Variants in G3BP1 observed in about 807,000 individuals in gnomAD.
G3BP1 encodes the protein G3BP stress granule assembly factor 1, also known as ras GTPase-activating protein-binding protein 1.
G3BP1 carries 35 observed loss-of-function variants against 58.6 expected under a neutral mutation model. That is an observed-to-expected ratio of 0.60 (90% CI 0.46 to 0.79). The LOEUF (loss-of-function observed/expected upper bound fraction) is 0.79. G3BP1 is among the 30% of genes least tolerant of loss of function. The pLI is 0.00. For synonymous variants in G3BP1, 191 were observed against 195.4 expected, an observed-to-expected ratio of 0.98 and a Z score of 0.19; for missense variants, 523 against 580.8, an observed-to-expected ratio of 0.90 and a Z score of 1.02.
intron 2 of G3BP1, chr5:151,787,747 C>G (rs960857580): frequency 6.6e-5 from 19 of 286,010 alleles, no homozygotes; most frequent in South Asian, 3.0e-4. Context: ...ACTATTTTTT[C>G]CCTTACACCT....
At chr5:151,776,977 C>A (rs1489323766) in intron 1 of G3BP1, among the ~76,000 whole-genome samples, 1 of 139,142 alleles carries the variant, frequency 7.2e-6, no homozygotes, top group Non-Finnish European at 1.6e-5. Flanking sequence ...TTTTTTCTTT[C>A]ATTAATTACC....
At chr5:151,778,573 C>G (rs1422324452) in intron 1 of G3BP1, among the ~76,000 whole-genome samples, 2 of 152,128 alleles carry the variant, frequency 1.3e-5, no homozygotes, top group East Asian at 3.9e-4. Context: ...TCCTGAGTAG[C>G]TGGGATTACA....
At chr5:151,788,572 A>ATATGTGTG (rs1554080356) in intron 2 of G3BP1, among the ~76,000 whole-genome samples, 2 of 133,238 alleles carry the variant, frequency 1.5e-5, no homozygotes, top group Admixed American at 7.6e-5. Context: ...CTAAGTTTAT[A>ATATGTGTG]TGTGTGTGTG....
At position 151,807,467 on chromosome 5, in the gene G3BP1, C is replaced by T. The variant is rs1365005843; in HGVS notation, c.*3376C>T. ...AGGTTAACATTACAGTTCTTAATTT[C>T]CTTTAGGGCAAACAAGATAATTAAA... On this transcript the variant is annotated 3_prime_UTR_variant, in exon 12 of 12. Coordinates refer to ENST00000356245, the MANE Select transcript of G3BP1 (RefSeq NM_005754.3). 1 of 152,138 alleles carries T rather than the reference C, an allele frequency of 6.6e-6. No homozygotes were observed. Among genetic ancestry groups the T allele is most frequent in the Non-Finnish European group, 1.5e-5 (1 of 68,014 alleles). 9.4% of individuals were successfully genotyped at this position (152,138 alleles called of 1,614,324 possible). A position where few individuals can be genotyped will look rare whatever the true frequency, so the allele number is the denominator to read the frequency against.
intron 11 of G3BP1, among the ~76,000 whole-genome samples, chr5:151,801,950 G>A (rs1441322542): frequency 1.3e-5 from 2 of 152,066 alleles, no homozygotes; most frequent in Admixed American, 1.3e-4. Flanking sequence ...GAGTAGCTGG[G>A]ATTACAGGCA....
rs1762515486 is a variant in G3BP1, at chr5:151,783,944, G to A, written c.-49-2628G>A. Among the ~76,000 whole-genome samples, 5 of 151,952 alleles carry A rather than the reference G, an allele frequency of 3.3e-5. No individual in the cohort carries two copies. In the South Asian group the frequency reaches 1.0e-3, roughly 32 times the overall value. On this transcript the variant is annotated intron_variant, in intron 1 of 11. Transcript: ENST00000356245. Reference sequence around the variant, plus strand: ...CGGCCAGCTAATTTTTGTATATTTAGTAGAAATGGGGCTTCACCATGTTGG... The same window carrying A: ...CGGCCAGCTAATTTTTGTATATTTAATAGAAATGGGGCTTCACCATGTTGG...
intron 1 of G3BP1, among the ~76,000 whole-genome samples, chr5:151,784,458 C>A (rs1285719639): frequency 6.6e-6 from 1 of 152,084 alleles, no homozygotes; most frequent in Non-Finnish European, 1.5e-5. Context: ...TAACCTCTTC[C>A]CTTTGTGTGA....
chr5:151,797,534 A>T, intron 7 of G3BP1, 106 bp downstream of exon 7: 1 of 1,218,612 alleles, frequency 8.2e-7, no homozygotes, highest in Non-Finnish European at 1.1e-6. Context: ...ACATTTTCAT[A>T]TTGGTGGTTC....
chr5:151,779,334 G>A (rs1471361404), intron 1 of G3BP1, among the ~76,000 whole-genome samples: 1 of 152,122 alleles, frequency 6.6e-6, no homozygotes, highest in African/African-American at 2.4e-5. Flanking sequence ...TGTATGTGGT[G>A]TGAGACATGA....
Position 151,807,437 on chromosome 5 carries a change from G to T in G3BP1, c.*3346G>T, listed in dbSNP as rs1331061360. The T allele has an allele frequency of 6.6e-6, 1 of 152,172 alleles. No individual in the cohort carries two copies. The highest frequency in any genetic ancestry group is 2.4e-5 in the African/African-American group (1 of 41,440). The allele number at this position is 152,172 out of a possible 1,614,324, so 9.4% of individuals were successfully genotyped here. ...GAGACTTGAGTCTGGAATACATTCA[G>T]AACAAGGTTAACATTACAGTTCTTA... On this transcript the variant is annotated 3_prime_UTR_variant, in exon 12 of 12. Coordinates refer to ENST00000356245, the MANE Select transcript of G3BP1 (RefSeq NM_005754.3).
At chr5:151,776,503 C>T (rs74564572) in intron 1 of G3BP1, among the ~76,000 whole-genome samples, 1,724 of 152,052 alleles carry the variant, frequency 0.011, 29 homozygotes, top group African/African-American at 0.032. Flanking sequence ...TAAAGTTCCC[C>T]TCCTTAATTT....
rs1216547618 is a variant in G3BP1, at chr5:151,804,371, C to T, written c.*280C>T. On this transcript the variant is annotated 3_prime_UTR_variant, in exon 12 of 12. Transcript: ENST00000356245. ...AGACTGAATTTCCTTGCTTACTTTG[C>T]ATATACAGACTGGATTTTTTTTTTT... 3.9e-5 allele frequency: 12 copies of T among 307,576 alleles called. No homozygotes were observed. The highest frequency in any genetic ancestry group is 3.5e-4 in the Admixed American group (7 of 19,974). 19.1% of individuals were successfully genotyped at this position (307,576 alleles called of 1,614,324 possible). A position where few individuals can be genotyped will look rare whatever the true frequency, so the allele number is the denominator to read the frequency against.
intron 1 of G3BP1, among the ~76,000 whole-genome samples, chr5:151,785,779 A>C (rs1270312851): frequency 6.6e-6 from 1 of 152,234 alleles, no homozygotes; most frequent in Non-Finnish European, 1.5e-5. Context: ...ACATGATAGA[A>C]TGAAGTAGTA....
intron 2 of G3BP1, among the ~76,000 whole-genome samples, chr5:151,789,864 A>C (rs542372464): frequency 1.3e-5 from 2 of 152,296 alleles, no homozygotes; most frequent in East Asian, 3.9e-4. Context: ...GATTGCATAC[A>C]AAGATGAAAA....
At chr5:151,788,572 A>ATATGTGTGTGTG (rs1554080356) in intron 2 of G3BP1, among the ~76,000 whole-genome samples, 1 of 133,238 alleles carries the variant, frequency 7.5e-6, no homozygotes, top group African/African-American at 3.0e-5. Flanking sequence ...CTAAGTTTAT[A>ATATGTGTGTGTG]TGTGTGTGTG....
At chr5:151,774,316 A>G (rs1489276508) in intron 1 of G3BP1, among the ~76,000 whole-genome samples, 1 of 151,854 alleles carries the variant, frequency 6.6e-6, no homozygotes, top group Non-Finnish European at 1.5e-5. Context: ...TGACCTACTT[A>G]GAGCAGTTTT....
rs956829542 is a variant in G3BP1 at position 151,811,571 on chromosome 5, T to G, written c.*7480T>G. 2.6e-5 allele frequency: 4 copies of G among 152,160 alleles called. No homozygotes were observed. The highest frequency in any genetic ancestry group is 9.7e-5 in the African/African-American group (4 of 41,422). The allele number at this position is 152,160 out of a possible 1,614,324, so 9.4% of individuals were successfully genotyped here. A position where few individuals can be genotyped will look rare whatever the true frequency, so the allele number is the denominator to read the frequency against. Reference sequence around the variant, plus strand: ...TATATGGATGGTTCAATAAATATACTTTTATATACATGTTTCACAGAAATT... The same window carrying G: ...TATATGGATGGTTCAATAAATATACGTTTATATACATGTTTCACAGAAATT... On this transcript the variant is annotated 3_prime_UTR_variant, in exon 12 of 12. Coordinates refer to ENST00000356245, the MANE Select transcript of G3BP1 (RefSeq NM_005754.3).
At chr5:151,790,110 CAAAAAAA>C (rs759799755) in intron 2 of G3BP1, among the ~76,000 whole-genome samples, 1 of 57,168 alleles carries the variant, frequency 1.7e-5, no homozygotes. Flanking sequence ...TCAGCAAGAG[CAAAAAAA>C]AAAAAAAAAA....
intron 5 of G3BP1, 74 bp from the exon 6 acceptor site, chr5:151,795,405 T>C: frequency 1.3e-6 from 1 of 769,398 alleles, no homozygotes; most frequent in Non-Finnish European, 2.2e-6. Flanking sequence ...TGTTGTTTTG[T>C]GAACATTGCG....
Sources: allele counts gnomAD v4.1 joint callset (sites outside exome capture counted in the v4.1 genomes callset), GRCh38; gene constraint gnomAD v4.1.1; transcripts MANE v1.5; gene names NCBI Gene and HGNC (gene_info 2026-07-23, HGNC 2026-07-21).